Variants in TENM3 observed in about 807,000 individuals in gnomAD.
TENM3 encodes teneurin transmembrane protein 3, also known as teneurin-3.
TENM3 carries 63 observed loss-of-function variants against 255.1 expected under a neutral mutation model. The observed-to-expected ratio is 0.25, with a 90% confidence interval of 0.20 to 0.30. The LOEUF (loss-of-function observed/expected upper bound fraction) is 0.30. Among genes scored for constraint, TENM3 ranks in the 10% least tolerant of loss-of-function variants. The pLI, the probability that TENM3 is intolerant of heterozygous loss-of-function variation, is 1.00. For missense variants in TENM3, 2,929 were observed against 3,461.1 expected, an observed-to-expected ratio of 0.85 and a Z score of 3.86; for synonymous variants, 1,306 against 1,322.3, an observed-to-expected ratio of 0.99 and a Z score of 0.27.
At chr4:181,486,762 G>A in the TENM3 span, among the ~76,000 whole-genome samples, 8 of 152,258 alleles carry the variant, frequency 5.3e-5, no homozygotes, top group South Asian at 1.2e-3. Context: ...AAACAGAAAA[G>A]CAGTGTGGTA....
chr4:182,010,683 G>C, the TENM3 span, among the ~76,000 whole-genome samples: 2 of 151,932 alleles, frequency 1.3e-5, no homozygotes, highest in African/African-American at 4.8e-5. Flanking sequence ...TATACAGCAA[G>C]GTATTATGCT....
the TENM3 span, among the ~76,000 whole-genome samples, chr4:182,084,265 G>A: frequency 3.4e-4 from 52 of 152,170 alleles, no homozygotes; most frequent in Admixed American, 9.8e-4. Flanking sequence ...GAAAGGTCCC[G>A]TCCAATCCTA....
chr4:181,584,626 T>C, the TENM3 span, among the ~76,000 whole-genome samples: 1 of 152,212 alleles, frequency 6.6e-6, no homozygotes, highest in Non-Finnish European at 1.5e-5. Flanking sequence ...GTCCTACCCC[T>C]AAGTTAAAGA....
the TENM3 span, among the ~76,000 whole-genome samples, chr4:181,558,918 C>G: frequency 3.9e-5 from 6 of 152,102 alleles, no homozygotes; most frequent in African/African-American, 1.4e-4. Context: ...GAAACTTAGC[C>G]TCAAGGATAT....
At chr4:182,260,869 A>G (rs1385959114) in intron 1 of TENM3, among the ~76,000 whole-genome samples, 4 of 152,150 alleles carry the variant, frequency 2.6e-5, no homozygotes, top group South Asian at 4.1e-4. Context: ...AGCTTAATTC[A>G]TTATTTTCTT....
At chr4:181,835,652 C>T in the TENM3 span, among the ~76,000 whole-genome samples, 2 of 152,168 alleles carry the variant, frequency 1.3e-5, no homozygotes, top group African/African-American at 4.8e-5. Context: ...TAAAATCTGA[C>T]AGGTCTAATG....
At chr4:181,608,794 C>T in the TENM3 span, among the ~76,000 whole-genome samples, 2 of 152,000 alleles carry the variant, frequency 1.3e-5, no homozygotes, top group Admixed American at 6.6e-5. Context: ...ATCAGCTGAG[C>T]GAGGAAAGGT....
upstream of TENM3, among the ~76,000 whole-genome samples, chr4:182,241,316 A>G (rs1489532734): frequency 6.6e-6 from 1 of 152,114 alleles, no homozygotes; most frequent in Non-Finnish European, 1.5e-5. Context: ...GATTCATTCA[A>G]TAATGAGAGG....
chr4:181,634,586 A>G, the TENM3 span, among the ~76,000 whole-genome samples: 21 of 152,160 alleles, frequency 1.4e-4, no homozygotes, highest in African/African-American at 5.1e-4. Context: ...AACTAAGGAT[A>G]CATATATTTT....
intron 3 of TENM3, among the ~76,000 whole-genome samples, chr4:182,434,290 C>T (rs1771883394): frequency 2.6e-5 from 4 of 152,040 alleles, no homozygotes; most frequent in Admixed American, 1.3e-4. Flanking sequence ...AAATCAGAAG[C>T]AGGACCTGTT....
chr4:181,456,148 GGT>G, the TENM3 span, among the ~76,000 whole-genome samples: 14 of 86,956 alleles, frequency 1.6e-4, no homozygotes, highest in South Asian at 6.3e-4. Context: ...TGTGTGTGTA[GGT>G]GTGTGTGTAC....
the TENM3 span, among the ~76,000 whole-genome samples, chr4:181,921,245 A>G: frequency 6.6e-6 from 1 of 152,076 alleles, no homozygotes; most frequent in Non-Finnish European, 1.5e-5. Context: ...ATGAACTTTA[A>G]AATAGTTTTT....
rs11735934 is a variant in TENM3, at chr4:182,305,959, G to T, written c.-75-17987G>T. ...CTGCAGATCTGGCCAAAGGGAGGGTGACCCTAGCCATCTGGGAAGTGTGCA... is the reference window on the plus strand; with the variant it reads ...CTGCAGATCTGGCCAAAGGGAGGGTTACCCTAGCCATCTGGGAAGTGTGCA... On this transcript the variant is annotated intron_variant, in intron 1 of 27. Transcript: ENST00000511685. Among the ~76,000 whole-genome samples, 1,446 of 152,226 alleles carry T rather than the reference G, an allele frequency of 9.5e-3. 12 individuals carry two copies. Among genetic ancestry groups the T allele is most frequent in the Middle Eastern group, 0.02 (6 of 294 alleles).
At position 182,738,551 on chromosome 4, in the gene TENM3, T is replaced by C. The variant is rs747131022; in HGVS notation, c.3379+7T>C. 1.2e-6 allele frequency: 2 copies of C among 1,605,946 alleles called. No individual in the cohort carries two copies. The highest frequency in any genetic ancestry group is 3.4e-5 in the Admixed American group (2 of 58,836). ...GTGCTGGATGTACAGAACGGTAAGCTCTTGTTCATAGATAACTGATGTTGT... is the reference window on the plus strand; with the variant it reads ...GTGCTGGATGTACAGAACGGTAAGCCCTTGTTCATAGATAACTGATGTTGT... On this transcript the variant is annotated splice_region_variant and intron_variant, in intron 18 of 27. Coordinates refer to ENST00000511685, the MANE Select transcript of TENM3 (RefSeq NM_001080477.4).
chr4:182,549,325 A>G (rs1485012455), intron 3 of TENM3, among the ~76,000 whole-genome samples: 1 of 152,152 alleles, frequency 6.6e-6, no homozygotes, highest in Non-Finnish European at 1.5e-5. Flanking sequence ...AAACTAAAGC[A>G]TTTTCTTTTC....
chr4:181,542,728 A>T, the TENM3 span, among the ~76,000 whole-genome samples: 2 of 152,192 alleles, frequency 1.3e-5, no homozygotes, highest in South Asian at 2.1e-4. Flanking sequence ...AGAAGAATTC[A>T]TTCATTTAAG....
At chr4:181,548,390 G>A in the TENM3 span, among the ~76,000 whole-genome samples, 31 of 152,216 alleles carry the variant, frequency 2.0e-4, no homozygotes, top group African/African-American at 6.7e-4. Context: ...TATTCACAAT[G>A]GCAAAGACTT....
the TENM3 span, among the ~76,000 whole-genome samples, chr4:181,544,394 C>A: frequency 6.1e-5 from 6 of 98,856 alleles, no homozygotes; most frequent in African/African-American, 2.3e-4. Context: ...AAAGCGATTT[C>A]TTTCCTTCAG....
At chr4:181,605,593 G>GAAAGAA in the TENM3 span, among the ~76,000 whole-genome samples, 1 of 97,188 alleles carries the variant, frequency 1.0e-5, no homozygotes, top group African/African-American at 3.5e-5. Flanking sequence ...AGGAAAGAAA[G>GAAAGAA]AAAGAAAGAA....
Sources: allele counts gnomAD v4.1 joint callset (sites outside exome capture counted in the v4.1 genomes callset), GRCh38; gene constraint gnomAD v4.1.1; transcripts MANE v1.5; gene names NCBI Gene and HGNC (gene_info 2026-07-23, HGNC 2026-07-21).